KANSL3: variants seen among roughly 807,000 people sequenced by gnomAD.
KANSL3 encodes the protein KAT8 regulatory NSL complex subunit 3.
A neutral mutation model predicts 89.2 loss-of-function variants in KANSL3; 16 were observed. The ratio of observed to expected loss-of-function variants is 0.18; its 90% CI spans 0.12 to 0.27. KANSL3 has a LOEUF of 0.27. Ranked by LOEUF, KANSL3 falls within the 10% of genes least tolerant of loss-of-function variation. The pLI, the probability that KANSL3 is intolerant of heterozygous loss-of-function variation, is 1.00. For missense variants in KANSL3, 879 were observed against 1,110.6 expected (o/e 0.79, Z 2.96); for synonymous variants, 385 against 419.7 (o/e 0.92, Z 1.01).
At chr2:96,623,832 A>G (rs908390276) in intron 3 of KANSL3, among the ~76,000 whole-genome samples, 42 of 152,252 alleles carry the variant, frequency 2.8e-4, no homozygotes, top group Non-Finnish European at 1.0e-4. Context: ...AGCAGTCGAA[A>G]TCCGAGATTA....
chr2:96,581,284 C>T, the KANSL3 span, among the ~76,000 whole-genome samples: 3 of 152,184 alleles, frequency 2.0e-5, no homozygotes, highest in South Asian at 2.1e-4. Flanking sequence ...ATTAGCCAGG[C>T]GTGGTGGCAC....
chr2:96,581,004 C>A, the KANSL3 span, among the ~76,000 whole-genome samples: 2 of 152,242 alleles, frequency 1.3e-5, no homozygotes, highest in Admixed American at 1.3e-4. Flanking sequence ...TCTTTCCCAG[C>A]CTTCAACCAG....
chr2:96,633,203 A>C (rs1329828374), intron 2 of KANSL3, among the ~76,000 whole-genome samples: 1 of 151,786 alleles, frequency 6.6e-6, no homozygotes, highest in Non-Finnish European at 1.5e-5. Flanking sequence ...CGTTGCAGTG[A>C]GCCAAAATTG....
Position 96,609,009 on chromosome 2 carries a change from C to A in KANSL3, c.1439G>T (p.Gly480Val). 1 of 1,565,486 alleles carries A rather than the reference C, an allele frequency of 6.4e-7. No homozygotes were observed. The highest frequency in any genetic ancestry group is 1.2e-5 in the South Asian group (1 of 84,846). Reference protein sequence around the residue: ...GVLTRAEGHMGSEPRDQDAEK... With the variant: ...GVLTRAEGHMVSEPRDQDAEK... ...AGCATCCTGATCCCGAGGTTCAGAG[C>A]CCATGTGACCCTCAGCACGAGTGAG... The change falls in exon 13 of 21, where the codon GGC becomes GTC. Residue 480 changes from glycine to valine, a missense_variant. Gly to Val is a moderately radical substitution (Grantham distance 109). Coordinates refer to ENST00000431828, the MANE Select transcript of KANSL3 (RefSeq NM_001115016.3).
chr2:96,584,744 C>T, the KANSL3 span, among the ~76,000 whole-genome samples: 1 of 152,048 alleles, frequency 6.6e-6, no homozygotes, highest in South Asian at 2.1e-4. Context: ...TATATATATC[C>T]CATTTTCTTT....
At chr2:96,585,771 A>T in the KANSL3 span, among the ~76,000 whole-genome samples, 1 of 152,198 alleles carries the variant, frequency 6.6e-6, no homozygotes, top group Non-Finnish European at 1.5e-5. Flanking sequence ...ACCATGGAAT[A>T]CTATTCAGCC....
chr2:96,581,136 A>G, the KANSL3 span, among the ~76,000 whole-genome samples: 1 of 152,134 alleles, frequency 6.6e-6, no homozygotes, highest in African/African-American at 2.4e-5. Context: ...TTTAAGAATC[A>G]CCTAAGGGGC....
At chr2:96,580,610 C>A in the KANSL3 span, among the ~76,000 whole-genome samples, 1 of 152,120 alleles carries the variant, frequency 6.6e-6, no homozygotes, top group African/African-American at 2.4e-5. Flanking sequence ...CTATTTCTTA[C>A]CTGTATGTTG....
chr2:96,593,092 C>G (rs973290070), downstream of KANSL3: 2 of 365,412 alleles, frequency 5.5e-6, no homozygotes, highest in East Asian at 7.3e-5. Context: ...CTTAGCTCTA[C>G]CTTTGGTGCC....
chr2:96,627,554 T>A (rs2072584239), intron 3 of KANSL3, among the ~76,000 whole-genome samples: 1 of 152,074 alleles, frequency 6.6e-6, no homozygotes, highest in South Asian at 2.1e-4. Flanking sequence ...TCTACTGAAA[T>A]CATTCAAGAG....
intron 2 of KANSL3, among the ~76,000 whole-genome samples, chr2:96,635,979 G>A (rs1264255969): frequency 6.8e-6 from 1 of 147,346 alleles, no homozygotes; most frequent in Non-Finnish European, 1.5e-5. Flanking sequence ...GGGCGACAGA[G>A]CAAGACTCCA....
the KANSL3 span, among the ~76,000 whole-genome samples, chr2:96,586,707 G>A: frequency 0.24 from 36,849 of 152,120 alleles, 5,999 homozygotes; most frequent in South Asian, 0.66. Flanking sequence ...GCACACTACA[G>A]GCTTCAACGC....
rs754598298 is a variant in KANSL3 at position 96,593,281 on chromosome 2, G to GT, written c.*2329dup. The GT allele has an allele frequency of 4.8e-5, 22 of 455,976 alleles. No individual in the cohort carries two copies. Among genetic ancestry groups the GT allele is most frequent in the Non-Finnish European group, 9.3e-5 (21 of 226,814 alleles). The allele number at this position is 455,976 out of a possible 1,614,324, so 28.2% of individuals were successfully genotyped here. A position where few individuals can be genotyped will look rare whatever the true frequency, so the allele number is the denominator to read the frequency against. The stretch of plus-strand genomic sequence containing the variant: ...GACTGTTCTAGTGGTGAAACCAAGA[G>GT]TAGACAGGTCTTCCTACCTCAGTGA... On this transcript the variant is annotated 3_prime_UTR_variant, in exon 21 of 21. Transcript: ENST00000431828.
intron 17 of KANSL3, chr2:96,603,716 T>C (rs959432639): frequency 3.3e-4 from 50 of 152,514 alleles, no homozygotes; most frequent in Non-Finnish European, 6.9e-4. Flanking sequence ...ATGCCCAGTG[T>C]AGCACCATTT....
At chr2:96,611,180 C>A in intron 9 of KANSL3, 42 bp from the exon 10 acceptor site, 1 of 1,548,906 alleles carries the variant, frequency 6.5e-7, no homozygotes, top group Non-Finnish European at 8.9e-7. Flanking sequence ...CAACTGAGTT[C>A]ATGGCACCTC....
chr2:96,590,139 G>C (rs1245088410), downstream of KANSL3, among the ~76,000 whole-genome samples: 2 of 151,978 alleles, frequency 1.3e-5, no homozygotes, highest in Non-Finnish European at 2.9e-5. Context: ...CTGGGCGACA[G>C]AATGAGACTC....
At chr2:96,623,272 G>C (rs1364388142) in intron 3 of KANSL3, among the ~76,000 whole-genome samples, 1 of 152,142 alleles carries the variant, frequency 6.6e-6, no homozygotes, top group African/African-American at 2.4e-5. Context: ...GAGCAAAGAG[G>C]AACACAGGCA....
intron 2 of KANSL3, 95 bp downstream of exon 2, chr2:96,636,826 A>G: frequency 9.4e-7 from 1 of 1,065,004 alleles, no homozygotes; most frequent in Non-Finnish European, 1.3e-6. Flanking sequence ...GCCTCATACA[A>G]TCTCCCCCAG....
At chr2:96,634,121 TAA>T (rs2073905200) in intron 2 of KANSL3, 1 of 152,264 alleles carries the variant, frequency 6.6e-6, no homozygotes, top group African/African-American at 2.4e-5. Flanking sequence ...TATGATTATC[TAA>T]GACAGATGAC....
Sources: gnomAD v4.1 joint callset for allele counts (sites outside exome capture counted in the v4.1 genomes callset) on GRCh38, gnomAD v4.1.1 for gene constraint, MANE v1.5 for transcripts, NCBI Gene and HGNC (gene_info 2026-07-23, HGNC 2026-07-21) for gene names.